Variants in XNDC1N observed in about 807,000 individuals in gnomAD.
XNDC1N encodes XRCC1 N-terminal domain containing 1, N-terminal like, also known as protein XNDC1N.
At chr11:71,872,130 CACA>C in the XNDC1N span, among the ~76,000 whole-genome samples, 1 of 151,956 alleles carries the variant, frequency 6.6e-6, no homozygotes, top group Non-Finnish European at 1.5e-5. Context: ...GATGAACTTC[CACA>C]ACATTATGCT....
At chr11:71,907,027 TC>T in the XNDC1N span, among the ~76,000 whole-genome samples, 1 of 151,970 alleles carries the variant, frequency 6.6e-6, no homozygotes, top group Non-Finnish European at 1.5e-5. Flanking sequence ...AAAATCAACC[TC>T]CCCTTAGGAG....
chr11:71,890,196 G>C, the XNDC1N span, among the ~76,000 whole-genome samples: 1 of 152,040 alleles, frequency 6.6e-6, no homozygotes, highest in Non-Finnish European at 1.5e-5. Flanking sequence ...CTCCTCCCCC[G>C]GCCCCGGATA....
chr11:71,893,424 T>C, the XNDC1N span: 2 of 711,416 alleles, frequency 2.8e-6, no homozygotes, highest in Non-Finnish European at 5.2e-6. Context: ...TTATCTTTTA[T>C]TTTTCCAATC....
the XNDC1N span, among the ~76,000 whole-genome samples, chr11:71,902,302 C>T: frequency 6.6e-6 from 1 of 152,244 alleles, no homozygotes; most frequent in Non-Finnish European, 1.5e-5. Context: ...AGCCATTCTC[C>T]TGCCTCAGCC....
chr11:71,903,339 G>T, the XNDC1N span: 103 of 1,444,404 alleles, frequency 7.1e-5, no homozygotes, highest in Non-Finnish European at 9.1e-5. Flanking sequence ...CTGGCCGTCA[G>T]CCCTGACTCC....
the XNDC1N span, among the ~76,000 whole-genome samples, chr11:71,887,747 C>T: frequency 6.6e-6 from 1 of 152,238 alleles, no homozygotes; most frequent in African/African-American, 2.4e-5. Context: ...GAACTACCAG[C>T]CGGTACAGGA....
chr11:71,898,601 T>A, the XNDC1N span, among the ~76,000 whole-genome samples: 1 of 152,162 alleles, frequency 6.6e-6, no homozygotes, highest in Non-Finnish European at 1.5e-5. Context: ...AGAAAGACTC[T>A]GTTTCCAAAA....
At chr11:71,907,106 C>T in the XNDC1N span, among the ~76,000 whole-genome samples, 4 of 152,016 alleles carry the variant, frequency 2.6e-5, no homozygotes, top group African/African-American at 4.8e-5. Flanking sequence ...TAGGGTATTG[C>T]GAATAATATC....
the XNDC1N span, among the ~76,000 whole-genome samples, chr11:71,911,810 T>C: frequency 1.3e-5 from 2 of 152,260 alleles, no homozygotes; most frequent in African/African-American, 2.4e-5. Flanking sequence ...CGAGCTTCCA[T>C]CTTGCTGGGT....
At chr11:71,898,653 T>C in the XNDC1N span, among the ~76,000 whole-genome samples, 19 of 152,306 alleles carry the variant, frequency 1.2e-4, no homozygotes, top group Admixed American at 9.8e-4. Context: ...ATCTATTAAG[T>C]GTCTAGAGTA....
chr11:71,915,581 C>A, the XNDC1N span, among the ~76,000 whole-genome samples: 5 of 152,128 alleles, frequency 3.3e-5, no homozygotes. Context: ...CCTGGAACAT[C>A]TCCAAGGTAT....
chr11:71,912,036 T>A, the XNDC1N span, among the ~76,000 whole-genome samples: 1 of 152,226 alleles, frequency 6.6e-6, no homozygotes, highest in Non-Finnish European at 1.5e-5. Flanking sequence ...ACTGCAGTTG[T>A]ACTGGCTGTG....
chr11:71,910,064 C>A, the XNDC1N span, among the ~76,000 whole-genome samples: 1 of 152,122 alleles, frequency 6.6e-6, no homozygotes, highest in Non-Finnish European at 1.5e-5. Flanking sequence ...AAAAACAGGA[C>A]CCGGTCCCCA....
At chr11:71,890,919 C>G in the XNDC1N span, among the ~76,000 whole-genome samples, 6 of 151,930 alleles carry the variant, frequency 3.9e-5, no homozygotes, top group South Asian at 2.1e-4. Context: ...AACATCCCTG[C>G]GATATTGAGA....
the XNDC1N span, among the ~76,000 whole-genome samples, chr11:71,915,686 A>T: frequency 1.6e-5 from 2 of 125,088 alleles, no homozygotes; most frequent in Non-Finnish European, 3.6e-5. Flanking sequence ...GGGAATAATG[A>T]CAGAAACTAC....
At chr11:71,916,316 G>A in the XNDC1N span, 412 of 691,186 alleles carry the variant, frequency 6.0e-4, 1 homozygote, top group Middle Eastern at 3.7e-3. Context: ...AGAGACAGAG[G>A]AAGAAAAGGT....
chr11:71,878,493 T>A, the XNDC1N span: 1 of 1,611,654 alleles, frequency 6.2e-7, no homozygotes, highest in Non-Finnish European at 8.5e-7. Context: ...CTTTCCTTGA[T>A]GTCCACAGTT....
the XNDC1N span, among the ~76,000 whole-genome samples, chr11:71,897,903 G>A: frequency 1.4e-4 from 22 of 152,244 alleles, no homozygotes; most frequent in African/African-American, 5.3e-4. Context: ...GGCACTTCTG[G>A]CCGGTGCGGT....
the XNDC1N span, among the ~76,000 whole-genome samples, chr11:71,902,133 A>G: frequency 1.3e-5 from 2 of 152,160 alleles, no homozygotes; most frequent in African/African-American, 4.8e-5. Context: ...TTGAATTGAC[A>G]CTTCCTTGCT....
Sources: allele counts gnomAD v4.1 joint callset (sites outside exome capture counted in the v4.1 genomes callset), GRCh38; gene constraint gnomAD v4.1.1; transcripts MANE v1.5; gene names NCBI Gene and HGNC (gene_info 2026-07-23, HGNC 2026-07-21).